FHIT: variants seen among roughly 807,000 people sequenced by gnomAD.
The protein encoded by FHIT is fragile histidine triad diadenosine triphosphatase, also known as bis(5'-adenosyl)-triphosphatase.
Under a neutral mutation model 17.9 loss-of-function variants are expected in FHIT, and 19 were observed. That is an observed-to-expected ratio of 1.06 (90% CI 0.74 to 1.56). The LOEUF is 1.56. Ranked by LOEUF, FHIT falls within the 40% of genes most tolerant of loss-of-function variation. The pLI is 0.00. For missense variants in FHIT, 248 were observed against 189.2 expected, an observed-to-expected ratio of 1.31 and a Z score of -1.82; for synonymous variants, 81 against 69.7, an observed-to-expected ratio of 1.16 and a Z score of -0.81.
At chr3:60,183,292 G>C (rs1403598850) in intron 5 of FHIT, among the ~76,000 whole-genome samples, 1 of 152,126 alleles carries the variant, frequency 6.6e-6, no homozygotes, top group Non-Finnish European at 1.5e-5. Flanking sequence ...CAGCTACTTG[G>C]GAGGCTTAGG....
chr3:60,922,126 G>T (rs189309476), intron 3 of FHIT, among the ~76,000 whole-genome samples: 12 of 152,224 alleles, frequency 7.9e-5, no homozygotes, highest in Non-Finnish European at 1.6e-4. Flanking sequence ...AAATAAATAA[G>T]CTCACCTGCC....
chr3:60,059,236 C>T (rs943617042), intron 5 of FHIT, among the ~76,000 whole-genome samples: 3 of 152,130 alleles, frequency 2.0e-5, no homozygotes, highest in Non-Finnish European at 4.4e-5. Flanking sequence ...AGGAGTTGGG[C>T]GAGTGAGCAC....
intron 4 of FHIT, among the ~76,000 whole-genome samples, chr3:60,696,844 A>C (rs2041124015): frequency 6.6e-6 from 1 of 152,228 alleles, no homozygotes; most frequent in South Asian, 2.1e-4. Flanking sequence ...TCAACACAAC[A>C]GAAATCCAGT....
intron 5 of FHIT, among the ~76,000 whole-genome samples, chr3:60,048,576 C>T (rs1701748857): frequency 6.6e-6 from 1 of 152,150 alleles, no homozygotes; most frequent in Admixed American, 6.5e-5. Context: ...CCACAACGCA[C>T]CCCATAACAG....
At chr3:60,047,879 A>G (rs1397508437) in intron 5 of FHIT, among the ~76,000 whole-genome samples, 1 of 152,178 alleles carries the variant, frequency 6.6e-6, no homozygotes, top group Non-Finnish European at 1.5e-5. Flanking sequence ...ACCTAAAGCT[A>G]TCTGATGTAT....
At chr3:60,262,210 A>C (rs903913646) in intron 5 of FHIT, among the ~76,000 whole-genome samples, 3 of 152,106 alleles carry the variant, frequency 2.0e-5, no homozygotes, top group African/African-American at 7.2e-5. Context: ...AGATCCAAAG[A>C]ATGTCAAAGT....
At chr3:61,170,867 A>G (rs952548671) in intron 2 of FHIT, among the ~76,000 whole-genome samples, 22 of 152,282 alleles carry the variant, frequency 1.4e-4, no homozygotes, top group African/African-American at 5.1e-4. Flanking sequence ...ACAATGATTT[A>G]TACTCCTTCA....
chr3:60,728,880 C>T (rs1354452648), intron 4 of FHIT, among the ~76,000 whole-genome samples: 6 of 152,096 alleles, frequency 3.9e-5, no homozygotes, highest in Non-Finnish European at 7.4e-5. Context: ...GTAGTTTTCC[C>T]CTTGCAAAGA....
At chr3:61,074,657 G>C (rs1485415682) in intron 2 of FHIT, among the ~76,000 whole-genome samples, 1 of 151,954 alleles carries the variant, frequency 6.6e-6, no homozygotes, top group African/African-American at 2.4e-5. Flanking sequence ...TTGTCTCTGA[G>C]GCCTAATGTC....
intron 3 of FHIT, among the ~76,000 whole-genome samples, chr3:60,920,281 T>C (rs968198169): frequency 3.9e-5 from 6 of 152,016 alleles, no homozygotes; most frequent in African/African-American, 1.4e-4. Flanking sequence ...GCTGCCAAAA[T>C]AGTGAAGAGA....
At chr3:60,131,144 G>T (rs1173456763) in intron 5 of FHIT, among the ~76,000 whole-genome samples, 3 of 142,156 alleles carry the variant, frequency 2.1e-5, no homozygotes, top group Middle Eastern at 3.6e-3. Flanking sequence ...CAAGACCCCT[G>T]CATATACAAA....
chr3:60,668,718 C>A (rs917666440), intron 4 of FHIT, among the ~76,000 whole-genome samples: 1 of 152,048 alleles, frequency 6.6e-6, no homozygotes, highest in East Asian at 1.9e-4. Context: ...CCCACCACTA[C>A]GCCTGGCTAA....
intron 5 of FHIT, among the ~76,000 whole-genome samples, chr3:60,045,537 T>C (rs1482934470): frequency 2.0e-5 from 3 of 152,114 alleles, no homozygotes; most frequent in Non-Finnish European, 4.4e-5. Flanking sequence ...ACACGTGAGA[T>C]TTGGGTGGGG....
intron 8 of FHIT, among the ~76,000 whole-genome samples, chr3:59,866,397 T>A (rs532874801): frequency 6.6e-6 from 1 of 152,162 alleles, no homozygotes; most frequent in African/African-American, 2.4e-5. Context: ...AGGCAGATCA[T>A]TCGGGGCATT....
At chr3:60,438,277 T>C (rs78628638) in intron 5 of FHIT, among the ~76,000 whole-genome samples, 10,592 of 151,938 alleles carry the variant, frequency 0.07, 840 homozygotes, top group East Asian at 0.38. Context: ...TGGGTGGAGA[T>C]TTAAGATGCT....
intron 5 of FHIT, among the ~76,000 whole-genome samples, chr3:60,512,015 T>G (rs572994004): frequency 2.0e-5 from 3 of 152,264 alleles, no homozygotes; most frequent in South Asian, 2.1e-4. Flanking sequence ...AAGTTCTTCC[T>G]TACAGAATAA....
chr3:60,134,639 A>G (rs1434729152), intron 5 of FHIT, among the ~76,000 whole-genome samples: 4 of 152,192 alleles, frequency 2.6e-5, no homozygotes, highest in Non-Finnish European at 5.9e-5. Flanking sequence ...TTTTACTTCC[A>G]CAATAATGGG....
At chr3:60,554,001 C>T (rs888671618) in intron 4 of FHIT, among the ~76,000 whole-genome samples, 3 of 152,142 alleles carry the variant, frequency 2.0e-5, no homozygotes, top group East Asian at 1.9e-4. Flanking sequence ...GCAGGAGAAT[C>T]GCTTGAACCC....
intron 3 of FHIT, among the ~76,000 whole-genome samples, chr3:60,973,457 G>T (rs1189433725): frequency 6.6e-6 from 1 of 152,086 alleles, no homozygotes; most frequent in Non-Finnish European, 1.5e-5. Context: ...GGCCTCAAGG[G>T]AAAATTCCAT....
Sources: allele counts gnomAD v4.1 joint callset (sites outside exome capture counted in the v4.1 genomes callset), GRCh38; gene constraint gnomAD v4.1.1; transcripts MANE v1.5; gene names NCBI Gene and HGNC (gene_info 2026-07-23, HGNC 2026-07-21).